Variants in CACNA2D4 observed in about 807,000 individuals in gnomAD.
The protein encoded by CACNA2D4 is calcium voltage-gated channel auxiliary subunit alpha2delta 4, also known as voltage-dependent calcium channel subunit alpha-2/delta-4.
CACNA2D4 carries 157 observed loss-of-function variants against 163.8 expected under a neutral mutation model. That is an observed-to-expected ratio of 0.96 (90% CI 0.84 to 1.09). The LOEUF (loss-of-function observed/expected upper bound fraction) is 1.09, where lower values mean the gene tolerates loss of function less well. Ranked by LOEUF, CACNA2D4 falls within the 50% of genes least tolerant of loss-of-function variation. CACNA2D4 has a pLI of 0.00. For synonymous variants in CACNA2D4, 598 were observed against 586.9 expected (o/e 1.02, Z -0.27); for missense variants, 1,410 against 1,479.9 (o/e 0.95, Z 0.78).
intron 23 of CACNA2D4, among the ~76,000 whole-genome samples, chr12:1,850,518 T>C (rs1294462368): frequency 1.3e-5 from 2 of 152,220 alleles, no homozygotes; most frequent in Non-Finnish European, 2.9e-5. Flanking sequence ...GTTTTATAAG[T>C]TGCAAACACC....
chr12:1,877,715 C>A (rs1315433457), intron 16 of CACNA2D4, among the ~76,000 whole-genome samples: 1 of 152,182 alleles, frequency 6.6e-6, no homozygotes, highest in Non-Finnish European at 1.5e-5. Context: ...CTTTAGCTCC[C>A]GCCGTCCCAA....
Position 1,805,138 on chromosome 12 carries a change from G to A in CACNA2D4, c.2722-3494C>T, listed in dbSNP as rs142101844. ...ACAATTCACAAATAAGCAGTGGCCC[G>A]TGGGCTGCCTGAACTCTGGGGCTGG... On this transcript the variant is annotated intron_variant, in intron 29 of 37. Transcript: ENST00000382722. 3.6e-3 allele frequency among the ~76,000 whole-genome samples: 545 copies of A among 152,288 alleles called. 4 individuals are homozygous for A. The highest frequency in any genetic ancestry group is 0.011 in the South Asian group (53 of 4,826).
chr12:1,822,147 G>C (rs1018485914), intron 26 of CACNA2D4: 2 of 152,182 alleles, frequency 1.3e-5, no homozygotes, highest in African/African-American at 2.4e-5. Flanking sequence ...GAGGGGTAAG[G>C]AGAGAGGCTG....
chr12:1,879,033 A>G lies in CACNA2D4; in HGVS notation c.1567T>C (p.Ser523Pro). The change falls in exon 15 of 38, where the codon TCC becomes CCC. Residue 523 changes from serine (S) to proline (P), a missense_variant. Physicochemically the swap from Ser to Pro is moderately conservative, Grantham distance 74. Coordinates refer to ENST00000382722, the MANE Select transcript of CACNA2D4 (RefSeq NM_172364.5). ...ACCACACCCAGGAGAATGCCATGGG[A>G]TCGCTGGAAGGAAAGACACAAGGGG... is the stretch of plus-strand genomic sequence containing the variant. The part of the protein sequence containing the change: ...PVFSKKNETR[S>P]HGILLGVVGS... 1 of 1,613,658 alleles carries G rather than the reference A, an allele frequency of 6.2e-7. No individual in the cohort carries two copies. Among genetic ancestry groups the G allele is most frequent in the Non-Finnish European group, 8.5e-7 (1 of 1,179,692 alleles).
chr12:1,799,896 T>C lies in CACNA2D4; in HGVS notation c.2974+104A>G. ...AGATGTGAACAACGATGCTTCAGGG[T>C]CACCTATCCCCACTGTCACCCACCC... On this transcript the variant is annotated intron_variant, in intron 33 of 37. Coordinates refer to ENST00000382722, the MANE Select transcript of CACNA2D4 (RefSeq NM_172364.5). This position sits in a 1 kb window ranked among gnomAD's most constrained non-coding sequence, Gnocchi z 4.7. 7.5e-7 allele frequency: 1 copy of C among 1,340,858 alleles called. No individual in the cohort carries two copies. Among genetic ancestry groups the C allele is most frequent in the South Asian group, 1.3e-5 (1 of 78,040 alleles). 83.1% of individuals were successfully genotyped at this position (1,340,858 alleles called of 1,614,324 possible). A position where few individuals can be genotyped will look rare whatever the true frequency, so the allele number is the denominator to read the frequency against.
intron 26 of CACNA2D4, among the ~76,000 whole-genome samples, chr12:1,824,886 C>T (rs1213906037): frequency 1.3e-5 from 2 of 152,150 alleles, no homozygotes; most frequent in African/African-American, 4.8e-5. Flanking sequence ...GACTGGTGTT[C>T]CCTGCAAGCT....
Position 1,816,384 on chromosome 12 carries a change from G to A in CACNA2D4, c.2552-4661C>T, listed in dbSNP as rs1473872148. On this transcript the variant is annotated intron_variant, in intron 26 of 37. Transcript: ENST00000382722. ...GCCCCTGTTTTAGACCCTGACCTTC[G>A]TCCCCAGGAGGGCCTGTCATGACCT... 2.6e-5 allele frequency among the ~76,000 whole-genome samples: 4 copies of A among 152,172 alleles called. No homozygotes were observed. In the East Asian group the frequency reaches 7.7e-4, roughly 29 times the overall value.
intron 25 of CACNA2D4, among the ~76,000 whole-genome samples, chr12:1,842,269 G>A (rs1193452027): frequency 6.6e-6 from 1 of 152,176 alleles, no homozygotes; most frequent in African/African-American, 2.4e-5. Flanking sequence ...AGGCTCTGCT[G>A]TGTGCGGACA....
rs2370057 is a variant in CACNA2D4 at position 1,860,269 on chromosome 12, G to C, written c.1879-63C>G. 0.38 allele frequency: 482,447 copies of C among 1,280,292 alleles called. 101,082 individuals carry two copies. Among genetic ancestry groups the C allele is most frequent in the African/African-American group, 0.79 (54,322 of 68,440 alleles). 79.3% of individuals were successfully genotyped at this position (1,280,292 alleles called of 1,614,324 possible). On this transcript the variant is annotated intron_variant, in intron 18 of 37. Coordinates refer to ENST00000382722, the MANE Select transcript of CACNA2D4 (RefSeq NM_172364.5). ...AAGAGCGGCCCCCAGCCCCCACCTC[G>C]CCCCCAGGGCTCTTGGGGTCTTCAT...
At chr12:1,849,774 T>G (rs977237331) in intron 23 of CACNA2D4, among the ~76,000 whole-genome samples, 2 of 152,230 alleles carry the variant, frequency 1.3e-5, no homozygotes, top group Admixed American at 1.3e-4. Flanking sequence ...CATGTACATT[T>G]ATATGTACCT....
chr12:1,793,441 G>C lies in CACNA2D4; in HGVS notation c.*214C>G. ...GTTGAGACCTAGGGCAGATGGTACCGGGCACCATGAAGCATCTTGAAAGTG... is the reference window on the plus strand; with the variant it reads ...GTTGAGACCTAGGGCAGATGGTACCCGGCACCATGAAGCATCTTGAAAGTG... On this transcript the variant is annotated 3_prime_UTR_variant, in exon 38 of 38. Coordinates refer to ENST00000382722, the MANE Select transcript of CACNA2D4 (RefSeq NM_172364.5). 2 of 616,194 alleles carry C rather than the reference G, an allele frequency of 3.2e-6. No homozygotes were observed. Among genetic ancestry groups the C allele is most frequent in the South Asian group, 3.7e-5 (2 of 53,728 alleles). 38.2% of individuals were successfully genotyped at this position (616,194 alleles called of 1,614,324 possible).
chr12:1,794,047 G>C lies in CACNA2D4; in HGVS notation c.3310-288C>G, dbSNP rs10466906. ...AACTCTGGGAGCATCTCTGATGGGGGTTTCTGGTCCCAGCAGACCAGACTG... is the reference window on the plus strand; with the variant it reads ...AACTCTGGGAGCATCTCTGATGGGGCTTTCTGGTCCCAGCAGACCAGACTG... On this transcript the variant is annotated intron_variant, in intron 37 of 37. Coordinates refer to ENST00000382722, the MANE Select transcript of CACNA2D4 (RefSeq NM_172364.5). Among the ~76,000 whole-genome samples the C allele has an allele frequency of 9.0e-3, 1,364 of 152,220 alleles. 32 individuals carry two copies. The highest frequency in any genetic ancestry group is 0.031 in the African/African-American group (1,308 of 41,530).
Position 1,793,376 on chromosome 12 carries a change from C to G in CACNA2D4, c.*279G>C, listed in dbSNP as rs1047080372. ...CCAAGCTGAGCTCACGCTGGCTTCCCGAAGAGGAGACAGGAAGGTTAGGTC... is the reference window on the plus strand; with the variant it reads ...CCAAGCTGAGCTCACGCTGGCTTCCGGAAGAGGAGACAGGAAGGTTAGGTC... On this transcript the variant is annotated 3_prime_UTR_variant, in exon 38 of 38. Transcript: ENST00000382722. The G allele has an allele frequency of 3.9e-6, 2 of 517,162 alleles. No homozygotes were observed. The highest frequency in any genetic ancestry group is 2.5e-5 in the South Asian group (1 of 39,738). The allele number at this position is 517,162 out of a possible 1,614,324, so 32.0% of individuals were successfully genotyped here.
chr12:1,912,925 G>T (rs577542967), intron 3 of CACNA2D4, 98 bp downstream of exon 3: 8 of 718,006 alleles, frequency 1.1e-5, no homozygotes, highest in Admixed American at 8.6e-5. Context: ...AGGGTCACGA[G>T]GGGGGAGGAT....
rs892622152 is a variant in CACNA2D4 at position 1,902,661 on chromosome 12, A to G, written c.781+4779T>C. 4.6e-5 allele frequency among the ~76,000 whole-genome samples: 7 copies of G among 152,098 alleles called. No homozygotes were observed. The East Asian group carries it at 1.2e-3, about 25-fold the overall frequency. On this transcript the variant is annotated intron_variant, in intron 6 of 37. Coordinates refer to ENST00000382722, the MANE Select transcript of CACNA2D4 (RefSeq NM_172364.5). ...TACCTGGAAATTAATTTAACCAAAA[A>G]AGTGAAAGTTCTCTACAAGGAAAAT...
rs544862979 is a variant in CACNA2D4 at position 1,847,540 on chromosome 12, C to T, written c.2247-851G>A. Among the ~76,000 whole-genome samples, 107 of 152,318 alleles carry T rather than the reference C, an allele frequency of 7.0e-4. No homozygotes were observed. The South Asian group carries it at 0.016, about 22-fold the overall frequency. ...AAGGGTCTCCCCCACCTACTCCAGT[C>T]CTGTAGCCAGGGGGCTTGTACAGGG... On this transcript the variant is annotated intron_variant, in intron 23 of 37. Transcript: ENST00000382722.
intron 13 of CACNA2D4, among the ~76,000 whole-genome samples, chr12:1,881,291 A>C (rs1565726667): frequency 6.6e-6 from 1 of 152,194 alleles, no homozygotes. Flanking sequence ...ATAGAATGCT[A>C]AGGACATCCT....
At chr12:1,800,889 G>A (rs1270570860) in intron 31 of CACNA2D4, 154 bp downstream of exon 31, 4 of 669,756 alleles carry the variant, frequency 6.0e-6, no homozygotes, top group African/African-American at 5.3e-5. Context: ...GGGACTGAGA[G>A]CAGTGGCTCT....
Position 1,885,989 on chromosome 12 carries a change from G to A in CACNA2D4, c.1044C>T (p.Val348=). 1 of 1,613,632 alleles carries A rather than the reference G, an allele frequency of 6.2e-7. No individual in the cohort carries two copies. The highest frequency in any genetic ancestry group is 8.5e-7 in the Non-Finnish European group (1 of 1,179,676). The change falls in exon 9 of 38, where the codon GTC becomes GTT. Residue 348 remains valine, a synonymous_variant. Coordinates refer to ENST00000382722, the MANE Select transcript of CACNA2D4 (RefSeq NM_172364.5). The part of the protein sequence containing the change: ...YIEPCFKGIL[V]QADRDNREHF... Reference sequence around the variant, plus strand: ...CCTCTCGATTGTCTCGGTCCGCCTGGACGAGGATCCCTTTAAAACAAGGCT... The same window carrying A: ...CCTCTCGATTGTCTCGGTCCGCCTGAACGAGGATCCCTTTAAAACAAGGCT...
Sources: gnomAD v4.1 joint callset for allele counts (sites outside exome capture counted in the v4.1 genomes callset) on GRCh38, gnomAD v4.1.1 for gene constraint, Gnocchi (gnomAD v3.1) non-coding constraint, MANE v1.5 for transcripts, NCBI Gene and HGNC (gene_info 2026-07-23, HGNC 2026-07-21) for gene names.